The following NPC1 variants were observed in gnomAD, a reference collection of about 807,000 sequenced individuals.
NPC1 encodes the protein NPC intracellular cholesterol transporter 1.
NPC1 carries 85 observed loss-of-function variants against 140.4 expected under a neutral mutation model. That is an observed-to-expected ratio of 0.61 (90% confidence interval 0.51 to 0.72). The LOEUF (loss-of-function observed/expected upper bound fraction) is 0.72. Among genes scored for constraint, NPC1 ranks in the 30% least tolerant of loss-of-function variants. The probability of loss-of-function intolerance (pLI) is 0.00; values close to 1 mark genes in which losing one functional copy is unlikely to be tolerated. For synonymous variants in NPC1, 656 were observed against 624.8 expected (o/e 1.05, Z -0.74); for missense variants, 1,504 against 1,623.8 (o/e 0.93, Z 1.27).
In NPC1 at chr18:23,544,947, C is replaced by CCCCCG. The variant is rs199713263; in HGVS notation, c.1947+12_1947+13insCGGGG. On this transcript the variant is annotated intron_variant, in intron 12 of 24. Coordinates refer to ENST00000269228, the MANE Select transcript of NPC1 (RefSeq NM_000271.5). ...TTAACCTCTAGAACATACACCACCC[C>CCCCCG]CCCCCGGCTTACCAGAAGCCTGCGA... 3.8e-4 allele frequency: 521 copies of CCCCCG among 1,359,582 alleles called. 26 individuals are homozygous for CCCCCG. The highest frequency in any genetic ancestry group is 2.9e-3 in the East Asian group (111 of 38,224). 84.2% of individuals were successfully genotyped at this position (1,359,582 alleles called of 1,614,324 possible).
downstream of NPC1, among the ~76,000 whole-genome samples, chr18:23,518,004 C>T (rs540925407): frequency 5.3e-5 from 8 of 152,320 alleles, no homozygotes; most frequent in East Asian, 1.9e-4. Flanking sequence ...AGGCATGAGC[C>T]GCCGTGCCCA....
At chr18:23,513,691 C>G (rs2057923171) in intron 3 of NPC1, among the ~76,000 whole-genome samples, 1 of 152,194 alleles carries the variant, frequency 6.6e-6, no homozygotes, top group Non-Finnish European at 1.5e-5. Context: ...TCTCCATATC[C>G]TCACCAACAC....
downstream of NPC1, among the ~76,000 whole-genome samples, chr18:23,518,255 C>T (rs2058059817): frequency 1.3e-5 from 2 of 152,290 alleles, no homozygotes; most frequent in South Asian, 4.1e-4. Context: ...CTGGGGAGGC[C>T]AAGGCAGGGG....
At position 23,535,463 on chromosome 18, in the gene NPC1, A is replaced by T; in HGVS notation, c.3477+6T>A. The T allele has an allele frequency of 6.3e-7, 1 of 1,593,694 alleles. No homozygotes were observed. Among genetic ancestry groups the T allele is most frequent in the African/African-American group, 1.3e-5 (1 of 74,428 alleles). ...AGGGACAAACTGAGACTGTATGAGG[A>T]CTCACCATCACCAGGTTGACCAAGG... On this transcript the variant is annotated splice_donor_region_variant and intron_variant, in intron 22 of 24. Coordinates refer to ENST00000269228, the MANE Select transcript of NPC1 (RefSeq NM_000271.5).
downstream of NPC1, among the ~76,000 whole-genome samples, chr18:23,519,361 T>C (rs1000569329): frequency 6.6e-6 from 1 of 151,956 alleles, no homozygotes; most frequent in Non-Finnish European, 1.5e-5. Context: ...ATATAAAAAA[T>C]ACAAAAATTA....
downstream of NPC1, chr18:23,530,669 C>A: frequency 6.5e-7 from 1 of 1,529,694 alleles, no homozygotes; most frequent in South Asian, 1.2e-5. Flanking sequence ...TAGCAGAGGG[C>A]ACTGGCAGCT....
chr18:23,511,500 T>A (rs2057856464), intron 3 of NPC1, among the ~76,000 whole-genome samples: 1 of 152,208 alleles, frequency 6.6e-6, no homozygotes, highest in South Asian at 2.1e-4. Context: ...ATTCAAACAT[T>A]GCAAGATATG....
downstream of NPC1, among the ~76,000 whole-genome samples, chr18:23,531,047 T>C (rs1484338355): frequency 6.6e-6 from 1 of 152,040 alleles, no homozygotes; most frequent in African/African-American, 2.4e-5. Context: ...CAGGCTGGAG[T>C]GCAGTGGTGT....
At position 23,544,948 on chromosome 18, in the gene NPC1, C is replaced by T. The variant is rs886053666; in HGVS notation, c.1947+12G>A. The T allele has an allele frequency of 5.8e-6, 8 of 1,379,528 alleles. No homozygotes were observed. The highest frequency in any genetic ancestry group is 1.8e-4 in the Middle Eastern group (1 of 5,652). 85.5% of individuals were successfully genotyped at this position (1,379,528 alleles called of 1,614,324 possible). On this transcript the variant is annotated intron_variant, in intron 12 of 24. Coordinates refer to ENST00000269228, the MANE Select transcript of NPC1 (RefSeq NM_000271.5). Reference sequence around the variant, plus strand: ...TAACCTCTAGAACATACACCACCCCCCCCCGGCTTACCAGAAGCCTGCGAC... The same window carrying T: ...TAACCTCTAGAACATACACCACCCCTCCCCGGCTTACCAGAAGCCTGCGAC...
chr18:23,524,213 C>T, intron 1 of NPC1: 1 of 1,607,990 alleles, frequency 6.2e-7, no homozygotes, highest in Non-Finnish European at 8.5e-7. Context: ...CACAACAGGG[C>T]AAGTGGTCAC....
downstream of NPC1, chr18:23,520,361 G>C: frequency 6.9e-7 from 1 of 1,439,706 alleles, no homozygotes; most frequent in Non-Finnish European, 9.7e-7. Context: ...TCACCATGTG[G>C]CTGTGTTCTC....
chr18:23,566,890 GGT>G (rs2059133965), intron 4 of NPC1, among the ~76,000 whole-genome samples: 1 of 152,046 alleles, frequency 6.6e-6, no homozygotes. Flanking sequence ...CTGTCTCCAC[GGT>G]TTTGCCTTTT....
downstream of NPC1, chr18:23,529,605 AT>A (rs759161780): frequency 6.3e-7 from 1 of 1,585,680 alleles, no homozygotes; most frequent in South Asian, 1.1e-5. Flanking sequence ...CCTCGTTGGT[AT>A]TTGTAAGACC....
chr18:23,557,301 C>T lies in NPC1; in HGVS notation c.882-111G>A, dbSNP rs976878662. 9 of 789,458 alleles carry T rather than the reference C, an allele frequency of 1.1e-5. No individual in the cohort carries two copies. In the African/African-American group the frequency reaches 1.5e-4, roughly 13 times the overall value. 48.9% of individuals were successfully genotyped at this position (789,458 alleles called of 1,614,324 possible). Reference sequence around the variant, plus strand: ...GCTTTCTTCCTCCTCCTGGCCTCCTCCTCCCTAATTACTGCCTTCTTTCCC... The same window carrying T: ...GCTTTCTTCCTCCTCCTGGCCTCCTTCTCCCTAATTACTGCCTTCTTTCCC... On this transcript the variant is annotated intron_variant, in intron 6 of 24. Coordinates refer to ENST00000269228, the MANE Select transcript of NPC1 (RefSeq NM_000271.5).
intron 1 of NPC1, among the ~76,000 whole-genome samples, chr18:23,578,027 T>C (rs1483539422): frequency 6.6e-6 from 1 of 152,166 alleles, no homozygotes; most frequent in African/African-American, 2.4e-5. Context: ...CACACCTCCC[T>C]GCAAGCTGAG....
chr18:23,544,294 TC>T (rs2058752442), intron 13 of NPC1, 49 bp downstream of exon 13: 1 of 1,569,768 alleles, frequency 6.4e-7, no homozygotes, highest in South Asian at 1.1e-5. Flanking sequence ...CCATTCACAG[TC>T]CCTGAAACTT....
At chr18:23,543,332 GAAA>G in intron 14 of NPC1, 120 bp downstream of exon 14, 87 of 420,966 alleles carry the variant, frequency 2.1e-4, no homozygotes, top group Admixed American at 2.6e-4. Flanking sequence ...CCGTCTCAGA[GAAA>G]AAAAAAAAAA....
chr18:23,578,034 T>C (rs937542955), intron 1 of NPC1, among the ~76,000 whole-genome samples: 1 of 152,050 alleles, frequency 6.6e-6, no homozygotes, highest in Non-Finnish European at 1.5e-5. Flanking sequence ...CCCTGCAAGC[T>C]GAGGGAGTGG....
At chr18:23,532,916 G>A (rs2058559472) in intron 24 of NPC1, 3 of 985,186 alleles carry the variant, frequency 3.0e-6, no homozygotes, top group African/African-American at 3.5e-5. Flanking sequence ...AAGGATCAAG[G>A]ACAGTCTCGA....
Sources: allele counts gnomAD v4.1 joint callset (sites outside exome capture counted in the v4.1 genomes callset), GRCh38; gene constraint gnomAD v4.1.1; transcripts MANE v1.5; gene names NCBI Gene and HGNC (gene_info 2026-07-23, HGNC 2026-07-21).